The following CCDC141 variants were observed in gnomAD, a reference collection of about 807,000 sequenced individuals.
CCDC141 encodes the protein coiled-coil domain-containing protein 141.
Under a neutral mutation model 181.0 loss-of-function variants are expected in CCDC141, and 168 were observed. The ratio of observed to expected loss-of-function variants is 0.93; its 90% CI spans 0.82 to 1.05. The LOEUF is 1.05. CCDC141 is among the 50% of genes least tolerant of loss of function. The pLI is 0.00. For missense variants in CCDC141, 1,902 were observed against 1,788.5 expected (o/e 1.06, Z -1.14); for synonymous variants, 666 against 642.3 (o/e 1.04, Z -0.56).
Position 178,886,799 on chromosome 2 carries a change from A to G in CCDC141, c.1480T>C (p.Ser494Pro). The stretch of plus-strand genomic sequence containing the variant: ...AGATATTTATTCAAAATCTTCTCTG[A>G]TTCAGAACGGGTAGAACCAACATCC... ...AMDVGSTRSESEKILNKYLEL... is the reference protein window; with the variant it reads ...AMDVGSTRSEPEKILNKYLEL... The change falls in exon 10 of 24, where the codon TCA becomes CCA. Residue 494 changes from serine (S) to proline (P), a missense_variant. By Grantham distance (74) the Ser-to-Pro change is moderately conservative. Transcript: ENST00000443758. The G allele has an allele frequency of 6.8e-7, 1 of 1,480,194 alleles. No homozygotes were observed. The highest frequency in any genetic ancestry group is 9.0e-7 in the Non-Finnish European group (1 of 1,112,268). The allele number at this position is 1,480,194 out of a possible 1,614,324, so 91.7% of individuals were successfully genotyped here.
chr2:178,962,555 G>A (rs189354217), intron 4 of CCDC141, among the ~76,000 whole-genome samples: 6 of 151,922 alleles, frequency 3.9e-5, no homozygotes, highest in South Asian at 2.1e-4. Flanking sequence ...TAGCCACAGC[G>A]ATCTTTTCTA....
Position 178,987,120 on chromosome 2 carries a change from A to G in CCDC141, c.226-8445T>C, listed in dbSNP as rs1009574576. On this transcript the variant is annotated intron_variant, in intron 2 of 23. Coordinates refer to ENST00000443758, the MANE Select transcript of CCDC141 (RefSeq NM_173648.4). ...GCATGGTACTGGTACCAAAACAGAG[A>G]TATAGATCAATGGAACAGAACACAG... Among the ~76,000 whole-genome samples, 21 of 125,656 alleles carry G rather than the reference A, an allele frequency of 1.7e-4. 2 individuals carry two copies. The highest frequency in any genetic ancestry group is 2.5e-4 in the Non-Finnish European group (15 of 60,184). 82.4% of individuals were successfully genotyped at this position (125,656 alleles called of 152,430 possible).
chr2:178,975,267 T>C (rs1443237642), intron 3 of CCDC141, 102 bp from the exon 4 acceptor site: 1 of 581,056 alleles, frequency 1.7e-6, no homozygotes, highest in African/African-American at 1.8e-5. Context: ...GTAGCCCAAC[T>C]GAGGATGTGT....
chr2:178,824,249 G>A, the CCDC141 span, among the ~76,000 whole-genome samples: 1 of 152,048 alleles, frequency 6.6e-6, no homozygotes, highest in Non-Finnish European at 1.5e-5. Flanking sequence ...GATTCTCTAC[G>A]AGATGGTATC....
chr2:179,044,660 C>G (rs2043427015), intron 2 of CCDC141, among the ~76,000 whole-genome samples: 2 of 152,142 alleles, frequency 1.3e-5, no homozygotes, highest in Non-Finnish European at 2.9e-5. Flanking sequence ...TTAACAGGAA[C>G]TGGGGAAAAG....
rs111709737 is a variant in CCDC141, at chr2:178,990,205, T to C, written c.226-11530A>G. ...ATTGTTGGCAAGAACATGGAGAAAA[T>C]TGGAATCCATGTACATAGCTGATGA... On this transcript the variant is annotated intron_variant, in intron 2 of 23. Transcript: ENST00000443758. 1.7e-4 allele frequency among the ~76,000 whole-genome samples: 24 copies of C among 142,678 alleles called. 1 individual carries two copies. The highest frequency in any genetic ancestry group is 5.7e-4 in the African/African-American group (22 of 38,658). The allele number at this position is 142,678 out of a possible 152,430, so 93.6% of individuals were successfully genotyped here.
intron 21 of CCDC141, among the ~76,000 whole-genome samples, chr2:178,847,426 G>C (rs1684985714): frequency 6.6e-6 from 1 of 152,128 alleles, no homozygotes; most frequent in South Asian, 2.1e-4. Flanking sequence ...AGCTACTTGG[G>C]AGGCTGAGGT....
chr2:178,863,771 A>G (rs1376991180), intron 17 of CCDC141, among the ~76,000 whole-genome samples: 1 of 152,256 alleles, frequency 6.6e-6, no homozygotes, highest in Non-Finnish European at 1.5e-5. Flanking sequence ...GTTACATGAA[A>G]GATTAACTGG....
chr2:178,891,210 A>G (rs34940894), intron 8 of CCDC141, among the ~76,000 whole-genome samples: 18,520 of 152,202 alleles, frequency 0.12, 1,167 homozygotes, highest in African/African-American at 0.14. Context: ...AACGACAACT[A>G]ATAAAAACAG....
chr2:178,936,717 C>T (rs1476970479), intron 6 of CCDC141, among the ~76,000 whole-genome samples: 1 of 152,034 alleles, frequency 6.6e-6, no homozygotes, highest in Non-Finnish European at 1.5e-5. Flanking sequence ...TTCATTCTTC[C>T]TATCCATGAG....
In CCDC141 at chr2:178,903,930, TAA is replaced by T. The variant is rs1687835805; in HGVS notation, c.1265+1397_1265+1398del. On this transcript the variant is annotated intron_variant, in intron 8 of 23. Transcript: ENST00000443758. The stretch of plus-strand genomic sequence containing the variant: ...AATTATAACTGGAAACCTCACCGCT[TAA>T]TTCAGTCATCATATGACTCAAATCA... Among the ~76,000 whole-genome samples, 5 of 152,266 alleles carry T rather than the reference TAA, an allele frequency of 3.3e-5. No individual in the cohort carries two copies. The South Asian group carries it at 1.0e-3, about 32-fold the overall frequency.
chr2:178,924,317 C>G (rs1688831703), intron 6 of CCDC141, among the ~76,000 whole-genome samples: 2 of 152,198 alleles, frequency 1.3e-5, no homozygotes, highest in South Asian at 4.1e-4. Flanking sequence ...CCTAGACCAT[C>G]TCATTAGACA....
chr2:178,962,864 C>T (rs1416004601), intron 4 of CCDC141, among the ~76,000 whole-genome samples: 2 of 152,178 alleles, frequency 1.3e-5, no homozygotes, highest in East Asian at 3.8e-4. Flanking sequence ...GCTATACTCT[C>T]TCCTGACCCT....
In CCDC141 at chr2:178,975,154, T is replaced by G; in HGVS notation, c.429A>C (p.Lys143Asn). 2.0e-6 allele frequency: 3 copies of G among 1,486,126 alleles called. No homozygotes were observed. Among genetic ancestry groups the G allele is most frequent in the Non-Finnish European group, 2.7e-6 (3 of 1,096,070 alleles). 92.1% of individuals were successfully genotyped at this position (1,486,126 alleles called of 1,614,324 possible). The change falls in exon 4 of 24, where the codon AAA becomes AAC. Residue 143 changes from lysine (K) to asparagine (N), a missense_variant. Transcript: ENST00000443758. ...FFENALEFAI[K>N]IDQAEDFLQN... is the part of the protein sequence containing the mutation. ...GGAGGAAATCTTCAGCTTGGTCTAT[T>G]TTAATAGCAAACTACAATAGAAATA... is the stretch of plus-strand genomic sequence containing the variant.
intron 2 of CCDC141, among the ~76,000 whole-genome samples, chr2:179,027,971 A>G (rs1391302481): frequency 6.6e-6 from 1 of 152,200 alleles, no homozygotes; most frequent in East Asian, 1.9e-4. Flanking sequence ...ATAGGTGAGA[A>G]CATGCAAGAT....
rs1684388556 is a variant in CCDC141, at chr2:178,834,387, T to C, written c.4379A>G (p.Lys1460Arg). 1 of 1,536,304 alleles carries C rather than the reference T, an allele frequency of 6.5e-7. No individual in the cohort carries two copies. ...AATGAACACCGAATGCCTTGTCTCC[T>C]TGTGTAAAACCTGTAAGTGCCCATC... ...SADGHLQVLHKETRHSVFIPK... is the reference protein window; with the variant it reads ...SADGHLQVLHRETRHSVFIPK... The change falls in exon 24 of 24, where the codon AAG becomes AGG. Residue 1460 changes from lysine (K) to arginine (R), a missense_variant. By Grantham distance (26) the Lys-to-Arg change is conservative. Coordinates refer to ENST00000443758, the MANE Select transcript of CCDC141 (RefSeq NM_173648.4).
In CCDC141 at chr2:178,983,048, C is replaced by A. The variant is rs1477030508; in HGVS notation, c.226-4373G>T. Among the ~76,000 whole-genome samples the A allele has an allele frequency of 2.6e-5, 4 of 152,330 alleles. No individual in the cohort carries two copies. In the East Asian group the frequency reaches 7.7e-4, roughly 29 times the overall value. On this transcript the variant is annotated intron_variant, in intron 2 of 23. Transcript: ENST00000443758. The stretch of plus-strand genomic sequence containing the variant: ...AACAAAAAGACAGCAGTAACCTCTG[C>A]AGACTTAAATGTCCCTGTCTGACAG...
chr2:178,835,508 G>A (rs771141424), intron 23 of CCDC141, among the ~76,000 whole-genome samples: 1 of 152,110 alleles, frequency 6.6e-6, no homozygotes, highest in Non-Finnish European at 1.5e-5. Context: ...AATGTGAATC[G>A]TTTTCTGTTC....
At chr2:178,983,071 C>T (rs1041795703) in intron 2 of CCDC141, among the ~76,000 whole-genome samples, 14 of 152,198 alleles carry the variant, frequency 9.2e-5, no homozygotes, top group Non-Finnish European at 8.8e-5. Flanking sequence ...CCCTGTCTGA[C>T]AGCTTTGAAG....
Sources: allele counts gnomAD v4.1 joint callset (sites outside exome capture counted in the v4.1 genomes callset), GRCh38; gene constraint gnomAD v4.1.1; transcripts MANE v1.5; gene names NCBI Gene and HGNC (gene_info 2026-07-23, HGNC 2026-07-21).